The following PPARGC1A variants were observed in gnomAD, a reference collection of about 807,000 sequenced individuals.
PPARGC1A encodes peroxisome proliferator-activated receptor gamma coactivator 1-alpha.
Under a neutral mutation model 88.7 loss-of-function variants are expected in PPARGC1A, and 25 were observed. That is an observed-to-expected ratio of 0.28 (90% CI 0.21 to 0.39). PPARGC1A has a LOEUF of 0.39. PPARGC1A is among the 10% of genes least tolerant of loss of function. The pLI, the probability that PPARGC1A is intolerant of heterozygous loss-of-function variation, is 1.00. For missense variants in PPARGC1A, 880 were observed against 968.7 expected (o/e 0.91, Z 1.22); for synonymous variants, 363 against 355.6 (o/e 1.02, Z -0.24).
At chr4:24,263,235 G>GCAAATAAACAAGTAAATGTAAAA in the PPARGC1A span, among the ~76,000 whole-genome samples, 2 of 152,126 alleles carry the variant, frequency 1.3e-5, no homozygotes, top group African/African-American at 4.8e-5. Context: ...CACCCTGTAA[G>GCAAATAAACAAGTAAATGTAAAA]CAAATAAACA....
At chr4:24,345,903 G>A in the PPARGC1A span, among the ~76,000 whole-genome samples, 14 of 152,068 alleles carry the variant, frequency 9.2e-5, no homozygotes, top group African/African-American at 2.9e-4. Flanking sequence ...TCAGTATTAC[G>A]GTGGCTGTGG....
upstream of PPARGC1A, among the ~76,000 whole-genome samples, chr4:23,892,116 A>T (rs1261576510): frequency 6.6e-6 from 1 of 152,230 alleles, no homozygotes; most frequent in Non-Finnish European, 1.5e-5. Flanking sequence ...CACATCTTTT[A>T]GAGATGTTCT....
the PPARGC1A span, among the ~76,000 whole-genome samples, chr4:24,200,887 C>T: frequency 6.6e-6 from 1 of 152,120 alleles, no homozygotes; most frequent in Non-Finnish European, 1.5e-5. Context: ...TGAAGTGACT[C>T]TGTTTTCTAT....
the PPARGC1A span, among the ~76,000 whole-genome samples, chr4:23,965,739 G>A: frequency 1.3e-5 from 2 of 152,114 alleles, no homozygotes; most frequent in African/African-American, 4.8e-5. Context: ...CCGAACCCAG[G>A]GGTCCTGATT....
chr4:23,924,408 A>G, the PPARGC1A span, among the ~76,000 whole-genome samples: 1 of 152,234 alleles, frequency 6.6e-6, no homozygotes, highest in African/African-American at 2.4e-5. Context: ...CGGGTGGATC[A>G]TGAGGTCAAG....
At chr4:24,233,916 T>A in the PPARGC1A span, among the ~76,000 whole-genome samples, 1 of 152,176 alleles carries the variant, frequency 6.6e-6, no homozygotes, top group African/African-American at 2.4e-5. Flanking sequence ...GTGACAGAGA[T>A]GAGAACTTTA....
chr4:24,159,508 C>T, the PPARGC1A span, among the ~76,000 whole-genome samples: 942 of 152,122 alleles, frequency 6.2e-3, 2 homozygotes, highest in Non-Finnish European at 9.9e-3. Flanking sequence ...TGCGCCCGGC[C>T]GAGATTAAGT....
At chr4:23,860,706 T>C (rs74451704) in intron 2 of PPARGC1A, among the ~76,000 whole-genome samples, 20,278 of 151,792 alleles carry the variant, frequency 0.13, 1,951 homozygotes, top group Non-Finnish European at 0.19. Context: ...AATAAATACC[T>C]CAGCAAGAAG....
chr4:23,909,164 T>A, the PPARGC1A span, among the ~76,000 whole-genome samples: 3 of 152,178 alleles, frequency 2.0e-5, no homozygotes, highest in Admixed American at 1.3e-4. Context: ...TCAGGCCCTA[T>A]GAAGACTTTT....
upstream of PPARGC1A, among the ~76,000 whole-genome samples, chr4:23,903,512 G>A (rs1009262475): frequency 6.6e-6 from 1 of 152,050 alleles, no homozygotes; most frequent in Non-Finnish European, 1.5e-5. Context: ...TCATATTTCT[G>A]GAGATTGTAC....
the PPARGC1A span, among the ~76,000 whole-genome samples, chr4:23,922,069 G>A: frequency 4.6e-5 from 7 of 152,210 alleles, no homozygotes; most frequent in Non-Finnish European, 8.8e-5. Flanking sequence ...AAAATGCCCA[G>A]ATAATCAGAG....
At chr4:24,406,295 A>G in the PPARGC1A span, among the ~76,000 whole-genome samples, 33 of 152,244 alleles carry the variant, frequency 2.2e-4, 1 homozygote, top group Non-Finnish European at 3.7e-4. Flanking sequence ...AAATAAAGCC[A>G]TCACCTACCC....
Position 23,795,053 on chromosome 4 carries a change from A to AAGAGAGAG in PPARGC1A, c.*761_*768dup, listed in dbSNP as rs372164053. The AAGAGAGAG allele has an allele frequency of 4.1e-5, 6 of 145,292 alleles. No individual in the cohort carries two copies. Among genetic ancestry groups the AAGAGAGAG allele is most frequent in the East Asian group, 2.0e-4 (1 of 4,896 alleles). The allele number at this position is 145,292 out of a possible 1,614,324, so 9.0% of individuals were successfully genotyped here. The stretch of plus-strand genomic sequence containing the variant: ...ATGGCAAAAGGAAAAAGAAAAAAAA[A>AAGAGAGAG]AGAGAGAGAGAGAGAGAGAGAGAGA... On this transcript the variant is annotated 3_prime_UTR_variant, in exon 13 of 13. Transcript: ENST00000264867.
At chr4:24,284,071 T>A in the PPARGC1A span, among the ~76,000 whole-genome samples, 1 of 147,482 alleles carries the variant, frequency 6.8e-6, no homozygotes, top group Admixed American at 6.9e-5. Context: ...TTACTTGAGG[T>A]CAGGAGTTCA....
chr4:23,990,121 A>G, the PPARGC1A span, among the ~76,000 whole-genome samples: 1 of 147,000 alleles, frequency 6.8e-6, no homozygotes, highest in African/African-American at 2.5e-5. Context: ...TATAATATAC[A>G]TTATATATTA....
the PPARGC1A span, among the ~76,000 whole-genome samples, chr4:24,079,806 A>G: frequency 6.6e-6 from 1 of 152,054 alleles, no homozygotes; most frequent in African/African-American, 2.4e-5. Flanking sequence ...CTGACTGCAT[A>G]CTTGTCAGTT....
chr4:23,831,327 A>T (rs555358576), intron 3 of PPARGC1A, among the ~76,000 whole-genome samples: 1 of 152,324 alleles, frequency 6.6e-6, no homozygotes, highest in Admixed American at 6.5e-5. Flanking sequence ...ATACACACAC[A>T]TAACAGCAAA....
chr4:24,169,356 G>A, the PPARGC1A span, among the ~76,000 whole-genome samples: 1 of 152,030 alleles, frequency 6.6e-6, no homozygotes, highest in Non-Finnish European at 1.5e-5. Context: ...AACAGAAAAA[G>A]GATGTGAGGT....
chr4:23,861,269 T>C (rs933468270), intron 2 of PPARGC1A, among the ~76,000 whole-genome samples: 10 of 152,214 alleles, frequency 6.6e-5, no homozygotes, highest in African/African-American at 2.4e-4. Flanking sequence ...AGAATGAACA[T>C]GCTGAAGTGG....
Sources: gnomAD v4.1 joint callset for allele counts (sites outside exome capture counted in the v4.1 genomes callset) on GRCh38, gnomAD v4.1.1 for gene constraint, MANE v1.5 for transcripts, NCBI Gene and HGNC (gene_info 2026-07-23, HGNC 2026-07-21) for gene names.